Variants in NEURL1B observed in about 807,000 individuals in gnomAD.
The protein encoded by NEURL1B is E3 ubiquitin-protein ligase NEURL1B.
NEURL1B carries 13 observed loss-of-function variants against 37.4 expected under a neutral mutation model. The ratio of observed to expected loss-of-function variants is 0.35; its 90% CI spans 0.23 to 0.55. NEURL1B has a LOEUF of 0.55. Ranked by LOEUF, NEURL1B falls within the 20% of genes least tolerant of loss-of-function variation. NEURL1B has a pLI of 0.89. For synonymous variants in NEURL1B, 432 were observed against 426.6 expected, an observed-to-expected ratio of 1.01 and a Z score of -0.16; for missense variants, 790 against 879.2, an observed-to-expected ratio of 0.90 and a Z score of 1.28.
At chr5:172,643,131 G>C (rs2113247894) in intron 1 of NEURL1B, among the ~76,000 whole-genome samples, 1 of 152,266 alleles carries the variant, frequency 6.6e-6, no homozygotes, top group South Asian at 2.1e-4. Flanking sequence ...TGTGGACTGG[G>C]CCACCCTAGT....
intron 2 of NEURL1B, among the ~76,000 whole-genome samples, chr5:172,681,384 T>C (rs1278863790): frequency 1.3e-5 from 2 of 152,228 alleles, no homozygotes; most frequent in African/African-American, 2.4e-5. Context: ...AATAAAATGA[T>C]ACAGACAGAT....
chr5:172,682,625 A>T (rs1758377932), intron 2 of NEURL1B, among the ~76,000 whole-genome samples: 1 of 152,202 alleles, frequency 6.6e-6, no homozygotes, highest in Non-Finnish European at 1.5e-5. Flanking sequence ...CAACTGACTC[A>T]ATCTCCCGTA....
chr5:172,682,668 C>T (rs1581439131), intron 2 of NEURL1B, among the ~76,000 whole-genome samples: 1 of 152,214 alleles, frequency 6.6e-6, no homozygotes, highest in African/African-American at 2.4e-5. Flanking sequence ...AACACCTATC[C>T]AGGGCCAGGC....
chr5:172,684,092 C>A lies in NEURL1B; in HGVS notation c.1251C>A (p.Ala417=), dbSNP rs952423954. 1.6e-6 allele frequency: 2 copies of A among 1,286,434 alleles called. No individual in the cohort carries two copies. The highest frequency in any genetic ancestry group is 9.8e-7 in the Non-Finnish European group (1 of 1,016,806). 79.7% of individuals were successfully genotyped at this position (1,286,434 alleles called of 1,614,324 possible). A position where few individuals can be genotyped will look rare whatever the true frequency, so the allele number is the denominator to read the frequency against. The part of the protein sequence containing the change: ...LCVDTTQALW[A]FFAVRGGVAG... ...TCGACACCACGCAGGCGCTCTGGGC[C>A]TTCTTCGCCGTGCGCGGCGGCGTCG... is the stretch of plus-strand genomic sequence containing the variant. The change falls in exon 3 of 5, where the codon GCC becomes GCA. Residue 417 remains alanine, a synonymous_variant. Coordinates refer to ENST00000369800, the MANE Select transcript of NEURL1B (RefSeq NM_001142651.3).
chr5:172,656,523 T>A, intron 1 of NEURL1B: 1 of 1,608,820 alleles, frequency 6.2e-7, no homozygotes, highest in Admixed American at 1.7e-5. Flanking sequence ...AACAGCTTAC[T>A]TTTTGCCAGA....
intron 2 of NEURL1B, among the ~76,000 whole-genome samples, chr5:172,678,462 G>T (rs925561000): frequency 6.6e-6 from 1 of 152,108 alleles, no homozygotes; most frequent in Admixed American, 6.5e-5. Flanking sequence ...GAACATGCTC[G>T]GACACAACTC....
intron 1 of NEURL1B, among the ~76,000 whole-genome samples, chr5:172,646,211 C>T (rs367998594): frequency 8.5e-5 from 13 of 152,148 alleles, no homozygotes; most frequent in African/African-American, 2.4e-4. Context: ...AATTTCAGCT[C>T]GGCCAGTTCC....
rs1328203989 is a variant in NEURL1B, at chr5:172,663,583, T to C, written c.32-6202T>C. Among the ~76,000 whole-genome samples the C allele has an allele frequency of 3.3e-5, 5 of 149,674 alleles. No homozygotes were observed. In the East Asian group the frequency reaches 9.9e-4, roughly 30 times the overall value. ...CCAGGGCTGTCCCTTCTCCCTTCTA[T>C]GAACGAGAAGGGCAACTGCAAAGGT... On this transcript the variant is annotated intron_variant, in intron 1 of 4. Coordinates refer to ENST00000369800, the MANE Select transcript of NEURL1B (RefSeq NM_001142651.3).
intron 2 of NEURL1B, among the ~76,000 whole-genome samples, chr5:172,671,989 AT>A (rs1372269754): frequency 1.3e-5 from 2 of 152,106 alleles, no homozygotes; most frequent in South Asian, 2.1e-4. Context: ...TGTGCCTCAG[AT>A]TTTTTTTCAT....
At chr5:172,654,602 A>T (rs1310437467) in intron 1 of NEURL1B, among the ~76,000 whole-genome samples, 3 of 139,962 alleles carry the variant, frequency 2.1e-5, no homozygotes, top group Non-Finnish European at 3.0e-5. Context: ...TACTTAGGAT[A>T]GTTCTGAACT....
Position 172,647,595 on chromosome 5 carries a change from C to A in NEURL1B, c.31+6158C>A, listed in dbSNP as rs566419218. Among the ~76,000 whole-genome samples, 3 of 152,092 alleles carry A rather than the reference C, an allele frequency of 2.0e-5. No individual in the cohort carries two copies. The highest frequency in any genetic ancestry group is 1.3e-4 in the Admixed American group (2 of 15,272). On this transcript the variant is annotated intron_variant, in intron 1 of 4. Transcript: ENST00000369800. This position sits in a 1 kb window ranked among gnomAD's most constrained non-coding sequence, Gnocchi z 4.2. ...CTGACTTGCTGCTGCCCCTTGTCCT[C>A]GTCCTGAGCACCTGAGCCCCACCCT... is the stretch of plus-strand genomic sequence containing the variant.
At position 172,687,923 on chromosome 5, in the gene NEURL1B, G is replaced by A. The variant is rs1456043064; in HGVS notation, c.*998G>A. 1.3e-5 allele frequency: 2 copies of A among 152,346 alleles called. No individual in the cohort carries two copies. 9.4% of individuals were successfully genotyped at this position (152,346 alleles called of 1,614,324 possible). Reference sequence around the variant, plus strand: ...CCCAGGGGACCTGCTGGCAGGAGGAGGAACGAGGGCTTTATAACTTTGGTT... The same window carrying A: ...CCCAGGGGACCTGCTGGCAGGAGGAAGAACGAGGGCTTTATAACTTTGGTT... On this transcript the variant is annotated 3_prime_UTR_variant, in exon 5 of 5. Coordinates refer to ENST00000369800, the MANE Select transcript of NEURL1B (RefSeq NM_001142651.3).
At chr5:172,658,442 G>A (rs1561643879) in intron 1 of NEURL1B, among the ~76,000 whole-genome samples, 1 of 152,000 alleles carries the variant, frequency 6.6e-6, no homozygotes. Context: ...GGTGAGTGAG[G>A]GGGAGAGAGA....
At position 172,684,040 on chromosome 5, in the gene NEURL1B, G is replaced by C; in HGVS notation, c.1199G>C (p.Gly400Ala). The change falls in exon 3 of 5, where the codon GGG becomes GCG. Residue 400 changes from glycine (G) to alanine (A), a missense_variant. Coordinates refer to ENST00000369800, the MANE Select transcript of NEURL1B (RefSeq NM_001142651.3). ...GGCGACGTGCTCCTGGGCATCAACG[G>C]GCGTCCGCGCGGCCGCCTGCTGTGC... is the stretch of plus-strand genomic sequence containing the variant. ...PGGDVLLGIN[G>A]RPRGRLLCVD... 7.5e-7 allele frequency: 1 copy of C among 1,335,938 alleles called. No homozygotes were observed. The highest frequency in any genetic ancestry group is 9.6e-7 in the Non-Finnish European group (1 of 1,040,726). The allele number at this position is 1,335,938 out of a possible 1,614,324, so 82.8% of individuals were successfully genotyped here.
Position 172,670,307 on chromosome 5 carries a change from T to C in NEURL1B, c.554T>C (p.Ile185Thr). ...TGGGCGCTCATTGATGTCTACGGCA[T>C]CACCGACGAGGTGCAGCTTCTGGGT... is the stretch of plus-strand genomic sequence containing the variant. ...PLWALIDVYG[I>T]TDEVQLLESA... The change falls in exon 2 of 5, where the codon ATC (isoleucine) becomes ACC (threonine). Residue 185 changes from isoleucine (I) to threonine (T), a missense_variant. Transcript: ENST00000369800. 7.3e-7 allele frequency: 1 copy of C among 1,370,718 alleles called. No homozygotes were observed. Among genetic ancestry groups the C allele is most frequent in the Non-Finnish European group, 9.4e-7 (1 of 1,066,094 alleles). 84.9% of individuals were successfully genotyped at this position (1,370,718 alleles called of 1,614,324 possible). A position where few individuals can be genotyped will look rare whatever the true frequency, so the allele number is the denominator to read the frequency against.
intron 3 of NEURL1B, among the ~76,000 whole-genome samples, chr5:172,685,633 T>A (rs1758476938): frequency 6.6e-6 from 1 of 152,218 alleles, no homozygotes; most frequent in African/African-American, 2.4e-5. Flanking sequence ...AATAGCTGGA[T>A]CTAGGTACTG....
At chr5:172,655,099 G>A (rs192171520) in intron 1 of NEURL1B, among the ~76,000 whole-genome samples, 13 of 152,100 alleles carry the variant, frequency 8.5e-5, no homozygotes, top group Admixed American at 2.0e-4. Context: ...CTTCACCTAG[G>A]GAAGGGACCG....
At chr5:172,648,615 G>T (rs1408882387) in intron 1 of NEURL1B, among the ~76,000 whole-genome samples, 1 of 152,242 alleles carries the variant, frequency 6.6e-6, no homozygotes, top group Non-Finnish European at 1.5e-5. Flanking sequence ...CGTCAGTGTG[G>T]AAGGGAATGT....
chr5:172,668,290 A>G (rs1758053132), intron 1 of NEURL1B, among the ~76,000 whole-genome samples: 1 of 152,172 alleles, frequency 6.6e-6, no homozygotes, highest in Non-Finnish European at 1.5e-5. Context: ...TGTTAAGTAA[A>G]AGAATGACTG....
Sources: allele counts gnomAD v4.1 joint callset (sites outside exome capture counted in the v4.1 genomes callset), GRCh38; gene constraint gnomAD v4.1.1; non-coding constraint Gnocchi (gnomAD v3.1); transcripts MANE v1.5; gene names NCBI Gene and HGNC (gene_info 2026-07-23, HGNC 2026-07-21).